LRRTM4: variants seen among roughly 807,000 people sequenced by gnomAD.
The protein encoded by LRRTM4 is leucine-rich repeat transmembrane neuronal protein 4.
In LRRTM4, 25 loss-of-function variants were observed where a neutral mutation model predicts 47.6. The ratio of observed to expected loss-of-function variants is 0.53; its 90% CI spans 0.38 to 0.73. The LOEUF (loss-of-function observed/expected upper bound fraction) is 0.73. LRRTM4 is among the 30% of genes least tolerant of loss of function. The pLI, the probability that LRRTM4 is intolerant of heterozygous loss-of-function variation, is 0.00. For synonymous variants in LRRTM4, 311 were observed against 269.5 expected, an observed-to-expected ratio of 1.15 and a Z score of -1.51; for missense variants, 638 against 713.4, an observed-to-expected ratio of 0.89 and a Z score of 1.20.
chr2:77,081,254 ACACACACAC>A (rs1680521707), intron 3 of LRRTM4, among the ~76,000 whole-genome samples: 1 of 84,890 alleles, frequency 1.2e-5, no homozygotes, highest in Admixed American at 1.2e-4. Flanking sequence ...AGCAACACAC[ACACACACAC>A]ACACACACAC....
At chr2:77,494,005 G>C (rs1360409672) in intron 3 of LRRTM4, among the ~76,000 whole-genome samples, 1 of 152,042 alleles carries the variant, frequency 6.6e-6, no homozygotes, top group Admixed American at 6.6e-5. Flanking sequence ...AGCAAGGATA[G>C]TTAAAATTAG....
At chr2:76,949,307 G>A (rs1428103373) in intron 3 of LRRTM4, among the ~76,000 whole-genome samples, 1 of 151,912 alleles carries the variant, frequency 6.6e-6, no homozygotes, top group African/African-American at 2.4e-5. Context: ...ACGTGAGGAT[G>A]AAGTATATGA....
chr2:77,099,886 C>T (rs1002953972), intron 3 of LRRTM4, among the ~76,000 whole-genome samples: 2 of 151,942 alleles, frequency 1.3e-5, no homozygotes, highest in Non-Finnish European at 2.9e-5. Flanking sequence ...TATTCACTGT[C>T]ACTTATGTAT....
At chr2:77,387,400 G>A (rs1163489963) in intron 3 of LRRTM4, among the ~76,000 whole-genome samples, 1 of 152,102 alleles carries the variant, frequency 6.6e-6, no homozygotes, top group Non-Finnish European at 1.5e-5. Flanking sequence ...TCTGAGCAAA[G>A]GGCAGGCTAA....
chr2:77,299,361 G>A (rs1224033197), intron 3 of LRRTM4, among the ~76,000 whole-genome samples: 1 of 150,180 alleles, frequency 6.7e-6, no homozygotes, highest in African/African-American at 2.5e-5. Context: ...ATGTATATAT[G>A]TGTGTATATA....
chr2:77,115,903 A>T (rs1181281181), intron 3 of LRRTM4, among the ~76,000 whole-genome samples: 1 of 151,934 alleles, frequency 6.6e-6, no homozygotes. Context: ...TGTTTTTCCT[A>T]TTCCCCCAGT....
intron 3 of LRRTM4, among the ~76,000 whole-genome samples, chr2:77,491,982 G>T (rs917168972): frequency 6.7e-6 from 1 of 149,722 alleles, no homozygotes. Flanking sequence ...TCTAAAAATA[G>T]AAAATATAAA....
At chr2:77,198,019 A>C (rs566561932) in intron 3 of LRRTM4, among the ~76,000 whole-genome samples, 1 of 152,216 alleles carries the variant, frequency 6.6e-6, no homozygotes, top group South Asian at 2.1e-4. Flanking sequence ...ATAAATATGA[A>C]TATCAGTTAG....
In LRRTM4 at chr2:77,125,451, C is replaced by T. The variant is rs114989652; in HGVS notation, c.1552-376535G>A. Among the ~76,000 whole-genome samples, 1,472 of 152,234 alleles carry T rather than the reference C, an allele frequency of 9.7e-3. 27 individuals are homozygous for T. Among genetic ancestry groups the T allele is most frequent in the African/African-American group, 0.033 (1,377 of 41,556 alleles). ...AGACTGGCATGCATTTGATAGACCA[C>T]GCATTGTTGTTAGTCTCCTACCTTT... On this transcript the variant is annotated intron_variant, in intron 3 of 3. Coordinates refer to ENST00000409884, the MANE Select transcript of LRRTM4 (RefSeq NM_001134745.3).
chr2:76,770,532 T>C (rs780480783), intron 3 of LRRTM4, among the ~76,000 whole-genome samples: 1 of 152,242 alleles, frequency 6.6e-6, no homozygotes, highest in Non-Finnish European at 1.5e-5. Context: ...ATGTGTTCTC[T>C]ATTTAAATGT....
intron 3 of LRRTM4, among the ~76,000 whole-genome samples, chr2:77,080,133 T>C (rs1308609741): frequency 6.6e-6 from 1 of 152,226 alleles, no homozygotes; most frequent in Non-Finnish European, 1.5e-5. Context: ...TCAATGTTTA[T>C]TTCTTGCTTC....
intron 3 of LRRTM4, among the ~76,000 whole-genome samples, chr2:77,295,230 A>G (rs1475407304): frequency 4.6e-5 from 7 of 152,102 alleles, no homozygotes; most frequent in Non-Finnish European, 7.4e-5. Context: ...TTAAGAACAC[A>G]CCTACAGTAC....
chr2:77,521,674 T>G lies in LRRTM4; in HGVS notation c.-3A>C. 2 of 1,612,156 alleles carry G rather than the reference T, an allele frequency of 1.2e-6. No individual in the cohort carries two copies. Among genetic ancestry groups the G allele is most frequent in the Non-Finnish European group, 1.7e-6 (2 of 1,179,064 alleles). ...ACAACAAAAGTTCACTTACCCATCC[T>G]TTGTCATCCAAAAACGTTTCCCCCC... On this transcript the variant is annotated 5_prime_UTR_variant, in exon 2 of 4. Transcript: ENST00000409884.
intron 3 of LRRTM4, among the ~76,000 whole-genome samples, chr2:76,932,449 T>A (rs1308258860): frequency 6.6e-6 from 1 of 152,024 alleles, no homozygotes; most frequent in East Asian, 1.9e-4. Flanking sequence ...CCTATCTTCA[T>A]CACAGGAGTG....
intron 3 of LRRTM4, among the ~76,000 whole-genome samples, chr2:77,077,907 C>G (rs1243464403): frequency 6.6e-6 from 1 of 152,036 alleles, no homozygotes; most frequent in Non-Finnish European, 1.5e-5. Context: ...TCTTCATAGC[C>G]TCATTAACAA....
intron 3 of LRRTM4, among the ~76,000 whole-genome samples, chr2:77,336,536 T>C (rs1429020385): frequency 1.3e-5 from 2 of 152,140 alleles, no homozygotes; most frequent in African/African-American, 4.8e-5. Flanking sequence ...AAGGGGGCTT[T>C]ATTCCTGAAA....
In LRRTM4 at chr2:76,748,148, G is replaced by A. The variant is rs190710957; in HGVS notation, c.*547C>T. The stretch of plus-strand genomic sequence containing the variant: ...ACATAAGCTTTAATGCTCATGTTTT[G>A]TATTAGAAACTTGACCAGGAAAGAA... On this transcript the variant is annotated 3_prime_UTR_variant, in exon 4 of 4. Transcript: ENST00000409884. The A allele has an allele frequency of 6.5e-6, 1 of 152,936 alleles. No individual in the cohort carries two copies. Among genetic ancestry groups the A allele is most frequent in the Non-Finnish European group, 1.5e-5 (1 of 68,794 alleles). 9.5% of individuals were successfully genotyped at this position (152,936 alleles called of 1,614,324 possible).
chr2:77,270,266 A>G (rs1030172976), intron 3 of LRRTM4, among the ~76,000 whole-genome samples: 1 of 152,192 alleles, frequency 6.6e-6, no homozygotes, highest in Admixed American at 6.5e-5. Flanking sequence ...GAAGAAAAAA[A>G]TGAAAAGGTA....
chr2:77,516,573 C>A, intron 3 of LRRTM4: 1 of 972,310 alleles, frequency 1.0e-6, no homozygotes, highest in East Asian at 1.1e-4. Context: ...TAAGGAGAAC[C>A]CAGAATAAAA....
Sources: allele counts gnomAD v4.1 joint callset (sites outside exome capture counted in the v4.1 genomes callset), GRCh38; gene constraint gnomAD v4.1.1; transcripts MANE v1.5; gene names NCBI Gene and HGNC (gene_info 2026-07-23, HGNC 2026-07-21).